The following THSD7A variants were observed in gnomAD, a reference collection of about 807,000 sequenced individuals.
The protein encoded by THSD7A is thrombospondin type-1 domain-containing protein 7A.
Under a neutral mutation model 231.3 loss-of-function variants are expected in THSD7A, and 96 were observed. The observed-to-expected ratio is 0.41, with a 90% CI of 0.35 to 0.49. THSD7A has a LOEUF of 0.49. Among genes scored for constraint, THSD7A ranks in the 20% least tolerant of loss-of-function variants. The pLI, the probability that THSD7A is intolerant of heterozygous loss-of-function variation, is 0.05. For missense variants in THSD7A, 2,290 were observed against 2,070.2 expected, an observed-to-expected ratio of 1.11 and a Z score of -2.06; for synonymous variants, 940 against 743.3, an observed-to-expected ratio of 1.26 and a Z score of -4.30.
At chr7:11,670,381 A>G (rs1783334937) in intron 1 of THSD7A, among the ~76,000 whole-genome samples, 1 of 152,232 alleles carries the variant, frequency 6.6e-6, no homozygotes, top group African/African-American at 2.4e-5. Context: ...TAATGGAAGA[A>G]TGATCCAGGC....
At chr7:11,751,609 C>T (rs1405884550) in intron 1 of THSD7A, among the ~76,000 whole-genome samples, 1 of 151,984 alleles carries the variant, frequency 6.6e-6, no homozygotes, top group Admixed American at 6.6e-5. Context: ...ATCTTCTTTG[C>T]AGGCAGTGAC....
chr7:11,491,030 C>A (rs1786869764), intron 6 of THSD7A, among the ~76,000 whole-genome samples: 1 of 152,040 alleles, frequency 6.6e-6, no homozygotes, highest in African/African-American at 2.4e-5. Context: ...ATTCTAAACC[C>A]CACTGTGTTC....
intron 1 of THSD7A, among the ~76,000 whole-genome samples, chr7:11,738,962 C>T (rs1169650386): frequency 1.3e-5 from 2 of 151,958 alleles, no homozygotes; most frequent in Non-Finnish European, 2.9e-5. Context: ...GTTACAGCAG[C>T]ATGGGAAACT....
intron 4 of THSD7A, among the ~76,000 whole-genome samples, chr7:11,562,303 A>T (rs911442802): frequency 2.6e-5 from 4 of 152,202 alleles, no homozygotes; most frequent in Non-Finnish European, 4.4e-5. Flanking sequence ...ACTATTTTGA[A>T]TCAGAGATCT....
At chr7:11,700,161 T>C (rs1467669195) in intron 1 of THSD7A, among the ~76,000 whole-genome samples, 1 of 151,314 alleles carries the variant, frequency 6.6e-6, no homozygotes, top group Non-Finnish European at 1.5e-5. Flanking sequence ...TACGGGACTT[T>C]ATCTGCAGGT....
chr7:11,565,157 C>T (rs941053170), intron 4 of THSD7A, among the ~76,000 whole-genome samples: 5 of 152,170 alleles, frequency 3.3e-5, no homozygotes, highest in African/African-American at 1.2e-4. Context: ...ACAACAAAAA[C>T]AGCATTAACT....
chr7:11,832,074 G>T lies in THSD7A; in HGVS notation c.-128C>A. 1.7e-6 allele frequency: 1 copy of T among 585,724 alleles called. No homozygotes were observed. The highest frequency in any genetic ancestry group is 2.4e-6 in the Non-Finnish European group (1 of 410,796). The allele number at this position is 585,724 out of a possible 1,614,324, so 36.3% of individuals were successfully genotyped here. A position where few individuals can be genotyped will look rare whatever the true frequency, so the allele number is the denominator to read the frequency against. ...TTTCCTGCTATTGTTCGCTTCAGAT[G>T]AGAAGGAGGGAGAGCGCGTCTAACA... On this transcript the variant is annotated 5_prime_UTR_variant, in exon 1 of 28. Transcript: ENST00000423059.
intron 4 of THSD7A, among the ~76,000 whole-genome samples, chr7:11,587,325 T>G (rs62434528): frequency 0.016 from 2,471 of 152,236 alleles, 34 homozygotes; most frequent in Middle Eastern, 0.031. Context: ...TGTCAAGGGT[T>G]TTACTACTGA....
intron 1 of THSD7A, among the ~76,000 whole-genome samples, chr7:11,660,249 A>G (rs1319498161): frequency 6.6e-6 from 1 of 151,600 alleles, no homozygotes; most frequent in Non-Finnish European, 1.5e-5. Flanking sequence ...CAAAAGAGAT[A>G]TGGTTACTGC....
At chr7:11,615,598 C>T (rs920827718) in intron 2 of THSD7A, among the ~76,000 whole-genome samples, 4 of 152,124 alleles carry the variant, frequency 2.6e-5, no homozygotes, top group African/African-American at 7.2e-5. Flanking sequence ...TGGCTAAATT[C>T]TACACTATAT....
At chr7:11,544,456 A>G (rs1789290196) in intron 4 of THSD7A, among the ~76,000 whole-genome samples, 2 of 152,216 alleles carry the variant, frequency 1.3e-5, no homozygotes, top group Admixed American at 1.3e-4. Flanking sequence ...GACTTAAATA[A>G]TGGATGCTTA....
chr7:11,418,879 G>A (rs917078819), intron 16 of THSD7A, among the ~76,000 whole-genome samples: 5 of 151,596 alleles, frequency 3.3e-5, no homozygotes, highest in African/African-American at 1.2e-4. Flanking sequence ...AATATGCAAA[G>A]TAGATATTGA....
intron 16 of THSD7A, among the ~76,000 whole-genome samples, chr7:11,419,868 A>G (rs1377099426): frequency 6.6e-6 from 1 of 152,202 alleles, no homozygotes; most frequent in East Asian, 1.9e-4. Flanking sequence ...TACTTTAGCA[A>G]AGAGATGGGT....
chr7:11,557,289 G>A (rs188841596), intron 4 of THSD7A, among the ~76,000 whole-genome samples: 1 of 151,848 alleles, frequency 6.6e-6, no homozygotes, highest in African/African-American at 2.4e-5. Context: ...ATCTGTTATT[G>A]CATTTTTCAG....
chr7:11,595,116 T>C (rs1780312517), intron 2 of THSD7A, among the ~76,000 whole-genome samples: 1 of 152,182 alleles, frequency 6.6e-6, no homozygotes, highest in African/African-American at 2.4e-5. Context: ...GCAACAGTGA[T>C]GGCCTCCCCT....
rs116790777 is a variant in THSD7A at position 11,758,977 on chromosome 7, A to T, written c.190+72780T>A. Among the ~76,000 whole-genome samples, 738 of 152,214 alleles carry T rather than the reference A, an allele frequency of 4.8e-3. 5 individuals carry two copies. Among genetic ancestry groups the T allele is most frequent in the African/African-American group, 0.017 (702 of 41,566 alleles). On this transcript the variant is annotated intron_variant, in intron 1 of 27. Coordinates refer to ENST00000423059, the MANE Select transcript of THSD7A (RefSeq NM_015204.3). ...GTAGTTTGCTAAGCCTGGTCAAAAA[A>T]AACTTAAGTAAAAAAATTAGCTTTA...
chr7:11,812,142 G>GTGTGTGTGTGTGTGTGTGTGTGTGTGT (rs1784548681), intron 1 of THSD7A, among the ~76,000 whole-genome samples: 1 of 116,430 alleles, frequency 8.6e-6, no homozygotes, highest in African/African-American at 3.4e-5. Context: ...TGTGTGTGTG[G>GTGTGTGTGTGTGTGTGTGTGTGTGTGT]GAGACAGAGA....
chr7:11,532,069 T>G (rs1420269557), intron 6 of THSD7A, among the ~76,000 whole-genome samples: 2 of 152,032 alleles, frequency 1.3e-5, no homozygotes, highest in Non-Finnish European at 1.5e-5. Flanking sequence ...CAGCTGTTTT[T>G]CTCTCCTAGA....
At chr7:11,816,954 G>T (rs904295240) in intron 1 of THSD7A, among the ~76,000 whole-genome samples, 18 of 152,036 alleles carry the variant, frequency 1.2e-4, no homozygotes, top group Non-Finnish European at 5.9e-5. Flanking sequence ...GCTTATAATG[G>T]TGCATCAAAT....
Sources: allele counts gnomAD v4.1 joint callset (sites outside exome capture counted in the v4.1 genomes callset), GRCh38; gene constraint gnomAD v4.1.1; transcripts MANE v1.5; gene names NCBI Gene and HGNC (gene_info 2026-07-23, HGNC 2026-07-21).